Variants in DYNC1LI1 observed in about 807,000 individuals in gnomAD.
DYNC1LI1 encodes the protein dynein cytoplasmic 1 light intermediate chain 1.
DYNC1LI1 carries 19 observed loss-of-function variants against 63.8 expected under a neutral mutation model. The observed-to-expected ratio is 0.30, with a 90% CI of 0.21 to 0.44. DYNC1LI1 has a LOEUF of 0.44. DYNC1LI1 is among the 20% of genes least tolerant of loss of function. The pLI, the probability that DYNC1LI1 is intolerant of heterozygous loss-of-function variation, is 1.00. For missense variants in DYNC1LI1, 565 were observed against 630.2 expected (o/e 0.90, Z 1.11); for synonymous variants, 225 against 232.3 (o/e 0.97, Z 0.28).
chr3:32,545,211 C>A, intron 3 of DYNC1LI1, 105 bp from the exon 4 acceptor site: 1 of 747,718 alleles, frequency 1.3e-6, no homozygotes. Context: ...AGGAGATGTG[C>A]TATTGGCTTT....
chr3:32,551,895 T>G (rs1033242519), intron 2 of DYNC1LI1, among the ~76,000 whole-genome samples: 1 of 152,192 alleles, frequency 6.6e-6, no homozygotes. Flanking sequence ...TCACTCTATA[T>G]GTAATTCCCA....
chr3:32,534,933 T>C (rs1182121318), intron 6 of DYNC1LI1, among the ~76,000 whole-genome samples: 1 of 152,240 alleles, frequency 6.6e-6, no homozygotes, highest in Non-Finnish European at 1.5e-5. Flanking sequence ...TGACTACTTC[T>C]ATATTTAAAG....
At chr3:32,565,490 G>A (rs547582477) in intron 2 of DYNC1LI1, among the ~76,000 whole-genome samples, 125 of 152,348 alleles carry the variant, frequency 8.2e-4, no homozygotes, top group African/African-American at 2.7e-3. Flanking sequence ...TACACACTGA[G>A]AAGAATCAGA....
intron 3 of DYNC1LI1, 31 bp downstream of exon 3, chr3:32,545,818 T>C (rs777121205): frequency 1.2e-5 from 18 of 1,490,752 alleles, no homozygotes; most frequent in Non-Finnish European, 1.6e-5. Flanking sequence ...CAAAATAGAC[T>C]TCAGAAATTT....
chr3:32,558,275 C>G (rs1322267364), intron 2 of DYNC1LI1, among the ~76,000 whole-genome samples: 1 of 152,030 alleles, frequency 6.6e-6, no homozygotes, highest in Non-Finnish European at 1.5e-5. Flanking sequence ...TATTAGTTTT[C>G]ATGTCTACAT....
intron 12 of DYNC1LI1, 126 bp downstream of exon 12, chr3:32,528,320 G>T: frequency 2.0e-6 from 2 of 977,142 alleles, no homozygotes; most frequent in Non-Finnish European, 1.5e-6. Flanking sequence ...TCAGATTATG[G>T]TGATGGCCTG....
chr3:32,537,925 TAATA>T (rs1697801643), intron 5 of DYNC1LI1, among the ~76,000 whole-genome samples: 2 of 25,538 alleles, frequency 7.8e-5, no homozygotes, highest in South Asian at 7.5e-4. Flanking sequence ...TTTATATATA[TAATA>T]TATATATAAT....
At chr3:32,567,767 G>C (rs563483690) in intron 2 of DYNC1LI1, among the ~76,000 whole-genome samples, 95 of 147,038 alleles carry the variant, frequency 6.5e-4, no homozygotes, top group African/African-American at 2.3e-3. Context: ...GCAGTGGCAC[G>C]ATCTTGGCTC....
rs553625255 is a variant in DYNC1LI1, at chr3:32,559,889, G to A, written c.220+10457C>T. 1.4e-4 allele frequency among the ~76,000 whole-genome samples: 22 copies of A among 152,256 alleles called. No individual in the cohort carries two copies. The South Asian group carries it at 3.3e-3, about 23-fold the overall frequency. On this transcript the variant is annotated intron_variant, in intron 2 of 12. Transcript: ENST00000273130. ...GGGTCTTCACTGAACTACCTGTGGC[G>A]TACATCTTCTGCATGGCCTTCCACA...
chr3:32,530,725 T>C (rs1049156474), intron 8 of DYNC1LI1: 9 of 556,198 alleles, frequency 1.6e-5, no homozygotes, highest in South Asian at 2.3e-5. Context: ...GGAAATATTC[T>C]ATATCTGTGC....
intron 2 of DYNC1LI1, among the ~76,000 whole-genome samples, chr3:32,554,181 C>T (rs985924918): frequency 4.6e-5 from 7 of 152,150 alleles, no homozygotes; most frequent in Non-Finnish European, 8.8e-5. Flanking sequence ...TGGATATGTT[C>T]CTAGTCTTGT....
intron 2 of DYNC1LI1, among the ~76,000 whole-genome samples, chr3:32,548,538 T>C (rs189824656): frequency 6.6e-6 from 1 of 152,230 alleles, no homozygotes; most frequent in African/African-American, 2.4e-5. Flanking sequence ...CCTTAAAAAG[T>C]TGATCTTACA....
chr3:32,567,927 C>T (rs1052908837), intron 2 of DYNC1LI1, among the ~76,000 whole-genome samples: 2 of 152,152 alleles, frequency 1.3e-5, no homozygotes, highest in African/African-American at 2.4e-5. Flanking sequence ...TGGTCTCTAA[C>T]TCCTAACTTC....
chr3:32,544,864 T>C lies in DYNC1LI1; in HGVS notation c.568+12A>G, dbSNP rs1262782903. On this transcript the variant is annotated intron_variant, in intron 4 of 12. Coordinates refer to ENST00000273130, the MANE Select transcript of DYNC1LI1 (RefSeq NM_016141.4). ...TATTTGAAACCTACATTACTGTTTCTAGATTACTTACACTTTTGTTCCATT... is the reference window on the plus strand; with the variant it reads ...TATTTGAAACCTACATTACTGTTTCCAGATTACTTACACTTTTGTTCCATT... 2.6e-6 allele frequency: 4 copies of C among 1,564,946 alleles called. No homozygotes were observed. The Admixed American group carries it at 5.0e-5, about 20-fold the overall frequency.
At chr3:32,550,882 C>T (rs1698028482) in intron 2 of DYNC1LI1, among the ~76,000 whole-genome samples, 1 of 151,874 alleles carries the variant, frequency 6.6e-6, no homozygotes, top group Admixed American at 6.6e-5. Flanking sequence ...AAACCCAGAA[C>T]TTTGGGAGCC....
At chr3:32,566,097 C>T (rs1466377099) in intron 2 of DYNC1LI1, among the ~76,000 whole-genome samples, 2 of 152,066 alleles carry the variant, frequency 1.3e-5, no homozygotes, top group Non-Finnish European at 2.9e-5. Flanking sequence ...CACGGTGAGA[C>T]CTCATCTCTC....
At chr3:32,545,519 T>C (rs1032119789) in intron 3 of DYNC1LI1, 7 of 339,400 alleles carry the variant, frequency 2.1e-5, no homozygotes, top group African/African-American at 1.5e-4. Flanking sequence ...GCTGAGTAGA[T>C]AATATTTTTA....
At chr3:32,532,364 G>A (rs1697709457) in intron 8 of DYNC1LI1, 2 of 151,586 alleles carry the variant, frequency 1.3e-5, no homozygotes, top group Admixed American at 1.3e-4. Context: ...TACTCGGGAG[G>A]CTGAGGCGAC....
intron 4 of DYNC1LI1, among the ~76,000 whole-genome samples, chr3:32,543,275 T>G (rs193051346): frequency 2.0e-5 from 3 of 152,204 alleles, no homozygotes; most frequent in Admixed American, 2.0e-4. Flanking sequence ...TTTCAATGAT[T>G]TACTACATAC....
Sources: allele counts gnomAD v4.1 joint callset (sites outside exome capture counted in the v4.1 genomes callset), GRCh38; gene constraint gnomAD v4.1.1; transcripts MANE v1.5; gene names NCBI Gene and HGNC (gene_info 2026-07-23, HGNC 2026-07-21).